The following GABRG3 variants were observed in gnomAD, a reference collection of about 807,000 sequenced individuals.
GABRG3 encodes the protein gamma-aminobutyric acid receptor subunit gamma-3.
Under a neutral mutation model 48.8 loss-of-function variants are expected in GABRG3, and 25 were observed. The observed-to-expected ratio is 0.51, with a 90% CI of 0.37 to 0.72. The LOEUF (loss-of-function observed/expected upper bound fraction) is 0.72. GABRG3 is among the 30% of genes least tolerant of loss of function. The probability of loss-of-function intolerance (pLI) is 0.00; values close to 1 mark genes in which losing one functional copy is unlikely to be tolerated. For synonymous variants in GABRG3, 227 were observed against 217.6 expected, an observed-to-expected ratio of 1.04 and a Z score of -0.38; for missense variants, 394 against 577.9, an observed-to-expected ratio of 0.68 and a Z score of 3.26.
chr15:27,076,524 C>T (rs1896913761), intron 3 of GABRG3, among the ~76,000 whole-genome samples: 1 of 151,926 alleles, frequency 6.6e-6, no homozygotes, highest in African/African-American at 2.4e-5. Flanking sequence ...TGGGGTTTCA[C>T]CATGTTGACC....
chr15:27,358,421 G>C (rs1243843319), intron 5 of GABRG3, among the ~76,000 whole-genome samples: 4 of 152,122 alleles, frequency 2.6e-5, no homozygotes, highest in African/African-American at 9.7e-5. Flanking sequence ...CCAACTCTAA[G>C]AAACGTTATT....
At chr15:27,217,568 G>A (rs1889302386) in intron 3 of GABRG3, among the ~76,000 whole-genome samples, 2 of 152,204 alleles carry the variant, frequency 1.3e-5, no homozygotes, top group South Asian at 4.1e-4. Context: ...GCCCAGCAGG[G>A]AGCCTCCAGG....
chr15:27,085,366 A>G (rs145047444), intron 3 of GABRG3, among the ~76,000 whole-genome samples: 56 of 152,298 alleles, frequency 3.7e-4, no homozygotes, highest in African/African-American at 1.3e-3. Context: ...CCAGTGTGCT[A>G]TTGATGGTGT....
intron 3 of GABRG3, among the ~76,000 whole-genome samples, chr15:27,188,096 A>G (rs960691671): frequency 3.9e-5 from 6 of 152,034 alleles, no homozygotes; most frequent in African/African-American, 1.2e-4. Context: ...CATGGTGTAT[A>G]TGTGCCACAT....
intron 2 of GABRG3, among the ~76,000 whole-genome samples, chr15:27,024,515 G>C (rs1252704405): frequency 6.6e-6 from 1 of 152,128 alleles, no homozygotes; most frequent in Middle Eastern, 3.2e-3. Flanking sequence ...TCATTCTTTT[G>C]CCTGTGGATA....
intron 3 of GABRG3, among the ~76,000 whole-genome samples, chr15:27,258,166 C>G (rs1297396658): frequency 6.6e-6 from 1 of 152,070 alleles, no homozygotes; most frequent in Admixed American, 6.5e-5. Flanking sequence ...TGAGGGCAGC[C>G]TAAGTGGGGA....
rs1894891049 is a variant in GABRG3 at position 26,974,007 on chromosome 15, G to A, written c.53+2419G>A. ...CATTCTAATGGGTCCCCTGAGATGA[G>A]ATTTCATTTTTGTCAAAGCAAGGAT... On this transcript the variant is annotated intron_variant, in intron 1 of 9. Transcript: ENST00000615808. The surrounding 1 kb of genome is among the most constrained non-coding windows in gnomAD (Gnocchi z 4.3). 1.3e-5 allele frequency among the ~76,000 whole-genome samples: 2 copies of A among 152,320 alleles called. No individual in the cohort carries two copies. Among genetic ancestry groups the A allele is most frequent in the South Asian group, 4.1e-4 (2 of 4,826 alleles).
At chr15:27,000,497 A>G (rs568183381) in intron 2 of GABRG3, among the ~76,000 whole-genome samples, 2 of 152,238 alleles carry the variant, frequency 1.3e-5, no homozygotes, top group African/African-American at 4.8e-5. Context: ...CCAGTGTTGG[A>G]GGTGGTGCCT....
chr15:27,316,992 T>G (rs1287090764), intron 3 of GABRG3, among the ~76,000 whole-genome samples: 4 of 152,192 alleles, frequency 2.6e-5, no homozygotes, highest in Non-Finnish European at 4.4e-5. Context: ...CCTTCTCACT[T>G]TTGCTAAGCC....
chr15:26,994,446 G>A (rs1363166345), intron 2 of GABRG3, among the ~76,000 whole-genome samples: 1 of 151,320 alleles, frequency 6.6e-6, no homozygotes, highest in Non-Finnish European at 1.5e-5. Flanking sequence ...ACCACTGATA[G>A]TAAAAAAAAA....
intron 3 of GABRG3, among the ~76,000 whole-genome samples, chr15:27,061,655 A>T (rs1425410470): frequency 6.6e-6 from 1 of 152,080 alleles, no homozygotes; most frequent in Non-Finnish European, 1.5e-5. Context: ...AAGTTGATTG[A>T]TGGGGCAAGT....
At chr15:27,523,863 AG>A (rs1455543888) in intron 7 of GABRG3, among the ~76,000 whole-genome samples, 4 of 152,050 alleles carry the variant, frequency 2.6e-5, no homozygotes, top group Non-Finnish European at 5.9e-5. Flanking sequence ...AACTGAGTTT[AG>A]GGATATCTTC....
chr15:27,140,138 C>G (rs1304697969), intron 3 of GABRG3, among the ~76,000 whole-genome samples: 1 of 152,154 alleles, frequency 6.6e-6, no homozygotes, highest in Non-Finnish European at 1.5e-5. Context: ...TCACTGAGTT[C>G]TGTGAGATGT....
intron 3 of GABRG3, among the ~76,000 whole-genome samples, chr15:27,239,412 C>T (rs546724479): frequency 4.6e-5 from 7 of 152,208 alleles, no homozygotes; most frequent in South Asian, 4.1e-4. Context: ...GAAGAATATT[C>T]GCTAAATATT....
intron 6 of GABRG3, among the ~76,000 whole-genome samples, chr15:27,494,671 A>C (rs995554447): frequency 6.6e-6 from 1 of 152,164 alleles, no homozygotes; most frequent in African/African-American, 2.4e-5. Flanking sequence ...TGATGTCCTT[A>C]CAAGATCTGT....
At chr15:27,011,476 G>A (rs1389228273) in intron 2 of GABRG3, among the ~76,000 whole-genome samples, 2 of 151,942 alleles carry the variant, frequency 1.3e-5, no homozygotes, top group Non-Finnish European at 2.9e-5. Flanking sequence ...CAGCCTTTGT[G>A]GCTTCAACCC....
intron 3 of GABRG3, among the ~76,000 whole-genome samples, chr15:27,282,431 G>T (rs1891464891): frequency 6.6e-6 from 1 of 152,098 alleles, no homozygotes; most frequent in Admixed American, 6.5e-5. Flanking sequence ...TTAACATTGG[G>T]TAATTTCTCT....
Position 27,536,493 on chromosome 15 carries a change from ATTTC to A in GABRG3, c.*3616_*3619del, listed in dbSNP as rs1172680070. ...TATGAATGGATGGAAATAGGATTTC[ATTTC>A]TTTATATGCCAAACAGTCTTACCCT... is the stretch of plus-strand genomic sequence containing the variant. On this transcript the variant is annotated 3_prime_UTR_variant, in exon 10 of 10. Transcript: ENST00000615808. 1 of 152,180 alleles carries A rather than the reference ATTTC, an allele frequency of 6.6e-6. No homozygotes were observed. The highest frequency in any genetic ancestry group is 1.5e-5 in the Non-Finnish European group (1 of 68,044). 9.4% of individuals were successfully genotyped at this position (152,180 alleles called of 1,614,324 possible).
intron 5 of GABRG3, among the ~76,000 whole-genome samples, chr15:27,405,114 A>G (rs1487133437): frequency 6.6e-6 from 1 of 152,244 alleles, no homozygotes; most frequent in Non-Finnish European, 1.5e-5. Flanking sequence ...TGAAAACATG[A>G]TGAAAGGATG....
Sources: allele counts gnomAD v4.1 joint callset (sites outside exome capture counted in the v4.1 genomes callset), GRCh38; gene constraint gnomAD v4.1.1; non-coding constraint Gnocchi (gnomAD v3.1); transcripts MANE v1.5; gene names NCBI Gene and HGNC (gene_info 2026-07-23, HGNC 2026-07-21).